The following HYCC2 variants were observed in gnomAD, a reference collection of about 807,000 sequenced individuals.
HYCC2 encodes hyccin PI4KA lipid kinase complex subunit 2.
chr2:201,043,853 A>G, the HYCC2 span, among the ~76,000 whole-genome samples: 1 of 152,230 alleles, frequency 6.6e-6, no homozygotes, highest in African/African-American at 2.4e-5. Flanking sequence ...GTACATAGAG[A>G]TATCTACAGA....
chr2:201,063,738 G>T, the HYCC2 span: 2 of 1,585,434 alleles, frequency 1.3e-6, no homozygotes, highest in Non-Finnish European at 1.7e-6. Flanking sequence ...GACAACTTTG[G>T]TCATGGAAGA....
the HYCC2 span, among the ~76,000 whole-genome samples, chr2:201,054,003 CA>C: frequency 2.0e-5 from 3 of 151,920 alleles, no homozygotes; most frequent in Non-Finnish European, 2.9e-5. Context: ...AACAAACAAA[CA>C]AAAAACCCAG....
chr2:201,017,046 C>T, the HYCC2 span: 26 of 1,614,092 alleles, frequency 1.6e-5, no homozygotes, highest in African/African-American at 4.0e-5. Context: ...CTGTCTGTCT[C>T]GGCTAACTGT....
the HYCC2 span, chr2:200,988,384 G>A: frequency 1.2e-6 from 2 of 1,613,086 alleles, no homozygotes; most frequent in Non-Finnish European, 1.7e-6. Flanking sequence ...AGAATCAGGA[G>A]CATCAAATGG....
chr2:201,047,443 C>T, the HYCC2 span, among the ~76,000 whole-genome samples: 2 of 111,722 alleles, frequency 1.8e-5, no homozygotes, highest in East Asian at 3.9e-4. Flanking sequence ...TGTCACAGTT[C>T]TCATATATAT....
At chr2:201,023,504 T>C in the HYCC2 span, 508 of 154,152 alleles carry the variant, frequency 3.3e-3, 10 homozygotes, top group East Asian at 0.056. Flanking sequence ...ATTAATCTAA[T>C]CTTTAAAAAA....
chr2:201,063,437 G>A, the HYCC2 span: 8 of 1,590,512 alleles, frequency 5.0e-6, no homozygotes, highest in Non-Finnish European at 6.8e-6. Context: ...AGAAGACACT[G>A]AAGAACATCA....
the HYCC2 span, among the ~76,000 whole-genome samples, chr2:201,034,684 G>A: frequency 6.6e-6 from 1 of 152,154 alleles, no homozygotes; most frequent in Non-Finnish European, 1.5e-5. Context: ...GTTAGTTGAT[G>A]CAGTTTCTTC....
the HYCC2 span, among the ~76,000 whole-genome samples, chr2:201,033,657 G>T: frequency 6.6e-6 from 1 of 151,844 alleles, no homozygotes; most frequent in African/African-American, 2.4e-5. Flanking sequence ...GCCCGCCTCG[G>T]CCTCCCAAAG....
At chr2:201,049,156 G>C in the HYCC2 span, among the ~76,000 whole-genome samples, 35 of 148,784 alleles carry the variant, frequency 2.4e-4, no homozygotes, top group Middle Eastern at 3.5e-3. Context: ...AAAACATAAA[G>C]CAAAAATTTG....
chr2:201,032,308 C>T, the HYCC2 span, among the ~76,000 whole-genome samples: 2 of 152,218 alleles, frequency 1.3e-5, no homozygotes, highest in Non-Finnish European at 2.9e-5. Flanking sequence ...ACAGTACAAG[C>T]TTTATCCTAA....
the HYCC2 span, among the ~76,000 whole-genome samples, chr2:201,067,945 C>A: frequency 6.6e-6 from 1 of 152,290 alleles, no homozygotes; most frequent in East Asian, 1.9e-4. Flanking sequence ...ACATTCAGCA[C>A]AATTTTCATT....
At chr2:201,021,295 C>A in the HYCC2 span, among the ~76,000 whole-genome samples, 3 of 152,054 alleles carry the variant, frequency 2.0e-5, no homozygotes. Context: ...TGACAGGAGA[C>A]AGGAGAGAAA....
At chr2:201,060,289 C>A in the HYCC2 span, among the ~76,000 whole-genome samples, 14 of 152,292 alleles carry the variant, frequency 9.2e-5, no homozygotes, top group African/African-American at 3.4e-4. Context: ...TAGATCCTTA[C>A]TCCACTCTCA....
the HYCC2 span, among the ~76,000 whole-genome samples, chr2:200,984,349 A>G: frequency 6.6e-6 from 1 of 152,160 alleles, no homozygotes; most frequent in African/African-American, 2.4e-5. Context: ...CAGTTTAGTA[A>G]TAATCTTAAC....
the HYCC2 span, among the ~76,000 whole-genome samples, chr2:201,010,103 CAAAAAAAA>C: frequency 1.4e-5 from 1 of 70,742 alleles, no homozygotes; most frequent in Non-Finnish European, 2.9e-5. Context: ...GACTCTGTCT[CAAAAAAAA>C]AAAAAAAAGA....
At chr2:200,999,106 A>T in the HYCC2 span, among the ~76,000 whole-genome samples, 1 of 152,174 alleles carries the variant, frequency 6.6e-6, no homozygotes, top group African/African-American at 2.4e-5. Flanking sequence ...TTGCCACCAA[A>T]ATACTAGCAA....
the HYCC2 span, among the ~76,000 whole-genome samples, chr2:201,024,829 A>G: frequency 2.7e-4 from 41 of 152,322 alleles, no homozygotes; most frequent in African/African-American, 9.9e-4. Context: ...CTAAAATGGA[A>G]AAACAGCTGG....
chr2:201,062,574 C>A, the HYCC2 span, among the ~76,000 whole-genome samples: 2 of 151,560 alleles, frequency 1.3e-5, no homozygotes, highest in Non-Finnish European at 2.9e-5. Context: ...TGGCATGAAC[C>A]TGGGAGGCAG....
Sources: gnomAD v4.1 joint callset for allele counts (sites outside exome capture counted in the v4.1 genomes callset) on GRCh38, gnomAD v4.1.1 for gene constraint, MANE v1.5 for transcripts, NCBI Gene and HGNC (gene_info 2026-07-23, HGNC 2026-07-21) for gene names.